Variants in SGCZ observed in about 807,000 individuals in gnomAD.
SGCZ encodes zeta-sarcoglycan.
A neutral mutation model predicts 41.3 loss-of-function variants in SGCZ; 40 were observed. The ratio of observed to expected loss-of-function variants is 0.97; its 90% CI spans 0.75 to 1.26. SGCZ has a LOEUF of 1.26. SGCZ is among the 50% of genes most tolerant of loss of function. The pLI, the probability that SGCZ is intolerant of heterozygous loss-of-function variation, is 0.00. For synonymous variants in SGCZ, 206 were observed against 137.5 expected (o/e 1.50, Z -3.49); for missense variants, 552 against 369.8 (o/e 1.49, Z -4.04).
At chr8:14,818,894 C>T (rs969465321) in intron 1 of SGCZ, among the ~76,000 whole-genome samples, 2 of 151,750 alleles carry the variant, frequency 1.3e-5, no homozygotes, top group Admixed American at 6.6e-5. Flanking sequence ...TAAAGAAAGC[C>T]TATGGGACTT....
At chr8:15,198,433 A>G (rs191874774) in intron 1 of SGCZ, among the ~76,000 whole-genome samples, 4 of 152,284 alleles carry the variant, frequency 2.6e-5, no homozygotes, top group African/African-American at 9.6e-5. Context: ...TCTATCCTAT[A>G]CTACTCATTC....
chr8:15,027,196 A>G (rs1442257824), intron 1 of SGCZ, among the ~76,000 whole-genome samples: 3 of 152,104 alleles, frequency 2.0e-5, no homozygotes, highest in Admixed American at 2.0e-4. Flanking sequence ...CCCACCTCTT[A>G]CAGACTCACA....
At chr8:14,203,429 C>T (rs1264302754) in intron 4 of SGCZ, among the ~76,000 whole-genome samples, 2 of 152,084 alleles carry the variant, frequency 1.3e-5, no homozygotes, top group African/African-American at 2.4e-5. Context: ...ATACCTAATA[C>T]AATTCTTTTC....
intron 1 of SGCZ, among the ~76,000 whole-genome samples, chr8:14,648,031 C>G (rs73188144): frequency 0.023 from 3,423 of 152,032 alleles, 57 homozygotes; most frequent in South Asian, 0.053. Flanking sequence ...GGGAGGTACC[C>G]TGAACTTGAC....
intron 1 of SGCZ, among the ~76,000 whole-genome samples, chr8:14,800,092 G>C (rs1382991945): frequency 1.1e-4 from 16 of 151,270 alleles, no homozygotes; most frequent in Non-Finnish European, 1.8e-4. Context: ...TATTCTTCAG[G>C]ATTAAATCTC....
At chr8:14,545,020 C>A (rs7822573) in intron 2 of SGCZ, among the ~76,000 whole-genome samples, 1 of 152,088 alleles carries the variant, frequency 6.6e-6, no homozygotes, top group Non-Finnish European at 1.5e-5. Context: ...GAAACTCAGG[C>A]GAGCATCAAG....
intron 1 of SGCZ, among the ~76,000 whole-genome samples, chr8:15,008,015 T>G (rs1343799186): frequency 6.6e-6 from 1 of 152,230 alleles, no homozygotes; most frequent in Non-Finnish European, 1.5e-5. Context: ...CAATTCTAAC[T>G]TGATAAATTG....
intron 1 of SGCZ, among the ~76,000 whole-genome samples, chr8:15,201,307 G>A (rs999637277): frequency 3.3e-5 from 5 of 152,104 alleles, no homozygotes; most frequent in Admixed American, 6.5e-5. Context: ...GTGAGCCCCC[G>A]TGCCAGGCCT....
chr8:14,370,093 T>G (rs993170003), intron 2 of SGCZ, among the ~76,000 whole-genome samples: 1 of 151,906 alleles, frequency 6.6e-6, no homozygotes, highest in Non-Finnish European at 1.5e-5. Context: ...GTGGATGTAG[T>G]GGTAAGATGA....
intron 2 of SGCZ, among the ~76,000 whole-genome samples, chr8:14,351,093 C>G (rs1027009178): frequency 6.6e-6 from 1 of 152,026 alleles, no homozygotes; most frequent in African/African-American, 2.4e-5. Flanking sequence ...GTATGTATAA[C>G]TTTCCTCTTC....
In SGCZ at chr8:14,461,549, T is replaced by G. The variant is rs543037299; in HGVS notation, c.234+93183A>C. Among the ~76,000 whole-genome samples, 10 of 152,220 alleles carry G rather than the reference T, an allele frequency of 6.6e-5. No individual in the cohort carries two copies. The East Asian group carries it at 1.9e-3, about 29-fold the overall frequency. On this transcript the variant is annotated intron_variant, in intron 2 of 7. Transcript: ENST00000382080. ...AATCTCCAGGTGATTGATTTGACCA[T>G]TAGCTTGACATGCACTGACCTAGAC...
intron 3 of SGCZ, among the ~76,000 whole-genome samples, chr8:14,298,392 T>A (rs773113329): frequency 6.6e-6 from 1 of 151,872 alleles, no homozygotes; most frequent in Non-Finnish European, 1.5e-5. Context: ...AATACTAAGA[T>A]TGAAAAAAAC....
chr8:14,344,376 G>A (rs1200812929), intron 2 of SGCZ, among the ~76,000 whole-genome samples: 3 of 151,660 alleles, frequency 2.0e-5, no homozygotes, highest in African/African-American at 7.3e-5. Flanking sequence ...GTGTGGTAAG[G>A]CTAATGCAAA....
chr8:14,907,511 G>A lies in SGCZ; in HGVS notation c.39+330074C>T, dbSNP rs146180279. ...CCTCAGTTAACTATTAAGAAGTGCC[G>A]CTTCAACTATTGGAGGAGCTAAATG... On this transcript the variant is annotated intron_variant, in intron 1 of 7. Coordinates refer to ENST00000382080, the MANE Select transcript of SGCZ (RefSeq NM_139167.4). 3.9e-3 allele frequency among the ~76,000 whole-genome samples: 586 copies of A among 152,124 alleles called. 7 individuals carry two copies. The highest frequency in any genetic ancestry group is 0.013 in the African/African-American group (544 of 41,492).
intron 2 of SGCZ, among the ~76,000 whole-genome samples, chr8:14,376,838 T>C (rs976413407): frequency 6.6e-6 from 1 of 152,166 alleles, no homozygotes; most frequent in Non-Finnish European, 1.5e-5. Context: ...CATAAACAAT[T>C]AGGATTTATT....
At chr8:14,981,392 T>G (rs1296739985) in intron 1 of SGCZ, among the ~76,000 whole-genome samples, 3 of 152,346 alleles carry the variant, frequency 2.0e-5, no homozygotes, top group African/African-American at 7.2e-5. Flanking sequence ...CTTCTGTGAG[T>G]CACTGAGAGA....
intron 1 of SGCZ, among the ~76,000 whole-genome samples, chr8:15,198,168 A>G (rs1044935863): frequency 6.6e-6 from 1 of 151,588 alleles, no homozygotes; most frequent in African/African-American, 2.4e-5. Flanking sequence ...TAAACATTTT[A>G]ACATTGTTGA....
chr8:14,788,443 T>C (rs1220157362), intron 1 of SGCZ, among the ~76,000 whole-genome samples: 1 of 152,150 alleles, frequency 6.6e-6, no homozygotes, highest in Non-Finnish European at 1.5e-5. Flanking sequence ...ACACAAAAAG[T>C]GGAAGATACT....
intron 5 of SGCZ, among the ~76,000 whole-genome samples, chr8:14,136,276 C>T (rs753936339): frequency 6.0e-4 from 92 of 152,202 alleles, no homozygotes; most frequent in Non-Finnish European, 4.6e-4. Flanking sequence ...ACTGAGGTAC[C>T]GGGTTAATCT....
Sources: allele counts gnomAD v4.1 joint callset (sites outside exome capture counted in the v4.1 genomes callset), GRCh38; gene constraint gnomAD v4.1.1; transcripts MANE v1.5; gene names NCBI Gene and HGNC (gene_info 2026-07-23, HGNC 2026-07-21).